Variants in CLEC20A observed in about 807,000 individuals in gnomAD.
The protein encoded by CLEC20A is putative C-type lectin domain family 20 member A.
chr1:178,489,891 T>A (rs1355447744), intron 4 of CLEC20A, among the ~76,000 whole-genome samples, 181 bp downstream of exon 4: 1 of 152,218 alleles, frequency 6.6e-6, no homozygotes, highest in Non-Finnish European at 1.5e-5. Flanking sequence ...ATAATACAAC[T>A]TCCTCACAAG....
At position 178,493,824 on chromosome 1, in the gene CLEC20A, C is replaced by G. The variant is rs988358171; in HGVS notation, c.397+630G>C. ...TCTGCATAGGTACACATGCATCCCC[C>G]CAACCCCAGCCTGTCTTTCCCTCTT... On this transcript the variant is annotated intron_variant, in intron 2 of 7. Transcript: ENST00000623247. 2.6e-5 allele frequency: 4 copies of G among 152,208 alleles called. No individual in the cohort carries two copies. The South Asian group carries it at 8.3e-4, about 32-fold the overall frequency. 9.4% of individuals were successfully genotyped at this position (152,208 alleles called of 1,614,324 possible).
chr1:178,490,257 A>G, exon 4 of CLEC20A: 1 of 398,678 alleles, frequency 2.5e-6, no homozygotes, highest in Non-Finnish European at 4.4e-6. Context: ...ATTGAGGTAG[A>G]GGCCAATCCA....
chr1:178,491,814 G>T (rs1333118152), intron 3 of CLEC20A, among the ~76,000 whole-genome samples: 1 of 152,182 alleles, frequency 6.6e-6, no homozygotes, highest in Non-Finnish European at 1.5e-5. Flanking sequence ...GACTATTTCA[G>T]AGAAGCCGCC....
intron 3 of CLEC20A, among the ~76,000 whole-genome samples, chr1:178,492,129 CA>C (rs1432720950): frequency 4.6e-5 from 7 of 151,840 alleles, no homozygotes; most frequent in African/African-American, 1.7e-4. Context: ...ACTAAAAATA[CA>C]AAAAATTAGC....
chr1:178,492,517 G>T (rs781101974), exon 3 of CLEC20A: 4 of 398,418 alleles, frequency 1.0e-5, no homozygotes, highest in Non-Finnish European at 1.8e-5. Context: ...TTGGAGAGGT[G>T]GTCAGGCTGA....
intron 7 of CLEC20A, chr1:178,481,145 G>T (rs994731670): frequency 6.6e-6 from 1 of 152,080 alleles, no homozygotes; most frequent in Admixed American, 6.5e-5. Context: ...AAAATCATGA[G>T]CATTTTGTAA....
chr1:178,492,011 C>G (rs769356516), intron 3 of CLEC20A, among the ~76,000 whole-genome samples: 4 of 152,142 alleles, frequency 2.6e-5, no homozygotes, highest in African/African-American at 7.2e-5. Flanking sequence ...ATGGCCGGCT[C>G]GGTGGCTCAT....
At chr1:178,492,319 T>G (rs1192045117) in intron 3 of CLEC20A, among the ~76,000 whole-genome samples, 182 bp downstream of exon 3, 1 of 151,886 alleles carries the variant, frequency 6.6e-6, no homozygotes, top group Non-Finnish European at 1.5e-5. Flanking sequence ...AGGACATTGA[T>G]TCTCCCCATG....
At chr1:178,499,085 A>C (rs558751673), upstream of CLEC20A, among the ~76,000 whole-genome samples, 1 of 152,034 alleles carries the variant, frequency 6.6e-6, no homozygotes, top group South Asian at 2.1e-4. Context: ...CGTCTCCCTC[A>C]AGTCTTTCCA....
At chr1:178,481,590 A>G (rs950049626) in intron 7 of CLEC20A, 2 of 152,242 alleles carry the variant, frequency 1.3e-5, no homozygotes, top group African/African-American at 4.8e-5. Context: ...ATGGCACAGT[A>G]GTTTTTAAGA....
At chr1:178,483,515 C>G (rs1314239312) in intron 5 of CLEC20A, 1 of 357,610 alleles carries the variant, frequency 2.8e-6, no homozygotes, top group Non-Finnish European at 5.0e-6. Flanking sequence ...TCAGAAAGCC[C>G]CCCTGGCAGC....
At chr1:178,498,019 C>A (rs951767224), upstream of CLEC20A, among the ~76,000 whole-genome samples, 3 of 152,024 alleles carry the variant, frequency 2.0e-5, no homozygotes, top group African/African-American at 7.3e-5. Context: ...GCTAGACTCA[C>A]CCCCTACCCC....
chr1:178,489,946 C>G, intron 4 of CLEC20A, 126 bp downstream of exon 4: 1 of 397,508 alleles, frequency 2.5e-6, no homozygotes, highest in Non-Finnish European at 4.4e-6. Context: ...AACTCAGTTA[C>G]CCCTCAGAGT....
At chr1:178,492,272 C>T (rs1018950121) in intron 3 of CLEC20A, among the ~76,000 whole-genome samples, 6 of 151,406 alleles carry the variant, frequency 4.0e-5, no homozygotes, top group African/African-American at 9.7e-5. Context: ...TGAGACCATC[C>T]GTGTCTTAAA....
chr1:178,480,699 G>A (rs1648947203), intron 7 of CLEC20A: 1 of 152,206 alleles, frequency 6.6e-6, no homozygotes, highest in Non-Finnish European at 1.5e-5. Flanking sequence ...GGAGCATGGG[G>A]TGAACTCAGG....
chr1:178,494,412 C>T, intron 2 of CLEC20A, 42 bp downstream of exon 2: 1 of 399,856 alleles, frequency 2.5e-6, no homozygotes, highest in Admixed American at 4.4e-5. Flanking sequence ...GAGTGAGGCC[C>T]CTGGGGGAAA....
intron 2 of CLEC20A, among the ~76,000 whole-genome samples, chr1:178,494,240 G>GT (rs528883179): frequency 1.2e-4 from 18 of 152,104 alleles, no homozygotes; most frequent in Non-Finnish European, 2.5e-4. Context: ...ATTAAGGTTG[G>GT]TTTTTTGTTT....
At chr1:178,486,939 A>C (rs1180073162) in intron 5 of CLEC20A, 1 of 396,868 alleles carries the variant, frequency 2.5e-6, no homozygotes, top group Non-Finnish European at 4.4e-6. Flanking sequence ...CGGAGGCGGA[A>C]GCGCGCGAGT....
At chr1:178,498,797 C>A (rs997708073), upstream of CLEC20A, among the ~76,000 whole-genome samples, 2 of 152,102 alleles carry the variant, frequency 1.3e-5, no homozygotes, top group African/African-American at 2.4e-5. Context: ...TTTTTCCTAC[C>A]CCCTACCCCT....
Sources: allele counts gnomAD v4.1 joint callset (sites outside exome capture counted in the v4.1 genomes callset), GRCh38; gene constraint gnomAD v4.1.1; transcripts MANE v1.5; gene names NCBI Gene and HGNC (gene_info 2026-07-23, HGNC 2026-07-21).